The following TGM3 variants were observed in gnomAD, a reference collection of about 807,000 sequenced individuals.
TGM3 encodes the protein protein-glutamine gamma-glutamyltransferase E.
In TGM3, 52 loss-of-function variants were observed where a neutral mutation model predicts 73.8. The observed-to-expected ratio is 0.70, with a 90% CI of 0.56 to 0.89. The LOEUF (loss-of-function observed/expected upper bound fraction) is 0.89, where lower values mean the gene tolerates loss of function less well. Among genes scored for constraint, TGM3 ranks in the 40% least tolerant of loss-of-function variants. The probability of loss-of-function intolerance (pLI) is 0.00; values close to 1 mark genes in which losing one functional copy is unlikely to be tolerated. For missense variants in TGM3, 928 were observed against 909.9 expected (o/e 1.02, Z -0.26); for synonymous variants, 372 against 354.9 (o/e 1.05, Z -0.54).
intron 1 of TGM3, among the ~76,000 whole-genome samples, chr20:2,299,764 C>A (rs377693328): frequency 2.0e-5 from 3 of 152,222 alleles, no homozygotes; most frequent in African/African-American, 7.2e-5. Flanking sequence ...GTAGTGAGGT[C>A]TCAGTCCCTG....
chr20:2,302,857 T>C (rs1423575022), intron 1 of TGM3, among the ~76,000 whole-genome samples: 1 of 152,146 alleles, frequency 6.6e-6, no homozygotes, highest in African/African-American at 2.4e-5. Flanking sequence ...ACATGGAATA[T>C]TCATATAATA....
At chr20:2,331,566 T>C (rs959675251) in intron 9 of TGM3, among the ~76,000 whole-genome samples, 1 of 152,232 alleles carries the variant, frequency 6.6e-6, no homozygotes, top group African/African-American at 2.4e-5. Context: ...AATTTTTTAA[T>C]TAAGTCAGTT....
chr20:2,306,472 C>CTTTTTTTTTTTT (rs33929365), intron 1 of TGM3, among the ~76,000 whole-genome samples: 16 of 129,622 alleles, frequency 1.2e-4, no homozygotes, highest in Non-Finnish European at 2.1e-4. Flanking sequence ...CTTTTCCTTT[C>CTTTTTTTTTTTT]TTTTTTTTTT....
intron 1 of TGM3, among the ~76,000 whole-genome samples, chr20:2,301,440 A>G (rs1362226910): frequency 1.4e-5 from 2 of 147,890 alleles, no homozygotes; most frequent in Admixed American, 6.8e-5. Flanking sequence ...TCATGTGGGC[A>G]TACTAGATTA....
rs898155078 is a variant in TGM3 at position 2,328,312 on chromosome 20, C to T, written c.1280C>T (p.Ala427Val). 2.5e-6 allele frequency: 4 copies of T among 1,614,096 alleles called. No individual in the cohort carries two copies. Among genetic ancestry groups the T allele is most frequent in the South Asian group, 1.1e-5 (1 of 91,072 alleles). Residue 427 changes from alanine to valine, a missense_variant, in exon 9 of 13, where the codon GCG (alanine) becomes GTG (valine). Coordinates refer to ENST00000381458, the MANE Select transcript of TGM3 (RefSeq NM_003245.4). This position sits in a 1 kb window ranked among gnomAD's most constrained non-coding sequence, Gnocchi z 5.2. ...HTIGRYISTK[A>V]VGSNARMDVT... The stretch of plus-strand genomic sequence containing the variant: ...ATTGGCAGGTACATCAGCACCAAGG[C>T]GGTGGGCAGCAATGCTCGCATGGAC...
At position 2,332,207 on chromosome 20, in the gene TGM3, G is replaced by A. The variant is rs1301932395; in HGVS notation, c.1539G>A (p.Lys513=). ...LLLKNLSRDT[K]TVTVNMTAWT... is the part of the protein sequence containing the mutation. ...TCAAAAACCTGAGCAGGGATACGAA[G>A]ACAGTGACAGTGAACATGACAGCCT... The change falls in exon 10 of 13, where the codon AAG becomes AAA. Residue 513 remains lysine (K), a synonymous_variant. Coordinates refer to ENST00000381458, the MANE Select transcript of TGM3 (RefSeq NM_003245.4). This position sits in a 1 kb window ranked among gnomAD's most constrained non-coding sequence, Gnocchi z 4.4. 2 of 1,614,054 alleles carry A rather than the reference G, an allele frequency of 1.2e-6. No individual in the cohort carries two copies. The highest frequency in any genetic ancestry group is 4.5e-5 in the East Asian group (2 of 44,882).
At chr20:2,331,903 C>G in intron 9 of TGM3, 99 bp from the exon 10 acceptor site, 1 of 1,394,498 alleles carries the variant, frequency 7.2e-7, no homozygotes, top group Non-Finnish European at 9.8e-7. Context: ...AGCAATGGAG[C>G]CAGCACCAGT....
intron 11 of TGM3, 38 bp downstream of exon 11, chr20:2,335,311 C>T (rs377113435): frequency 1.9e-6 from 3 of 1,610,196 alleles, no homozygotes; most frequent in Non-Finnish European, 1.7e-6. Context: ...GGGGTTCTGC[C>T]CCCAGCCAGC....
At chr20:2,340,094 T>C (rs1264980296) in intron 12 of TGM3, 107 bp downstream of exon 12, 2 of 1,397,652 alleles carry the variant, frequency 1.4e-6, no homozygotes, top group Non-Finnish European at 2.0e-6. Context: ...CTTGGGTTCT[T>C]TACTCTTTTG....
chr20:2,339,973 T>C lies in TGM3; in HGVS notation c.1920T>C (p.Gly640=). The change falls in exon 12 of 13, where the codon GGT becomes GGC. Residue 640 remains glycine, a synonymous_variant. Coordinates refer to ENST00000381458, the MANE Select transcript of TGM3 (RefSeq NM_003245.4). Reference sequence around the variant, plus strand: ...TGGAGGGAAGCGGCCTGCTGTTGGGTAACCTGAAGATCGAGTGAGTCCTGG... The same window carrying C: ...TGGAGGGAAGCGGCCTGCTGTTGGGCAACCTGAAGATCGAGTGAGTCCTGG... ...LMVEGSGLLL[G]NLKIDVPTLG... is the part of the protein sequence containing the mutation. 2.2e-6 allele frequency: 3 copies of C among 1,342,012 alleles called. No homozygotes were observed. The highest frequency in any genetic ancestry group is 2.1e-4 in the Middle Eastern group (1 of 4,714). The allele number at this position is 1,342,012 out of a possible 1,614,324, so 83.1% of individuals were successfully genotyped here.
chr20:2,313,507 C>T (rs983604330), intron 5 of TGM3, among the ~76,000 whole-genome samples: 1 of 152,146 alleles, frequency 6.6e-6, no homozygotes, highest in African/African-American at 2.4e-5. Flanking sequence ...CATTCATGGT[C>T]TAGATGGGGA....
chr20:2,335,042 G>A, intron 10 of TGM3, 74 bp from the exon 11 acceptor site: 2 of 1,564,992 alleles, frequency 1.3e-6, no homozygotes, highest in Non-Finnish European at 1.7e-6. Flanking sequence ...GCCTTGGCTT[G>A]GCATCTGTTC....
intron 5 of TGM3, among the ~76,000 whole-genome samples, chr20:2,314,247 G>A (rs564423641): frequency 2.0e-5 from 3 of 152,042 alleles, no homozygotes; most frequent in African/African-American, 2.4e-5. Flanking sequence ...GAGGCAGGGG[G>A]ATTACTTGAA....
chr20:2,301,533 A>G (rs1182167609), intron 1 of TGM3, among the ~76,000 whole-genome samples: 1 of 115,326 alleles, frequency 8.7e-6, no homozygotes, highest in Non-Finnish European at 2.1e-5. Flanking sequence ...GCCATTAAGA[A>G]AAAAAAAAAA....
chr20:2,322,893 T>A (rs1353400344), intron 7 of TGM3, among the ~76,000 whole-genome samples: 1 of 152,170 alleles, frequency 6.6e-6, no homozygotes, highest in Non-Finnish European at 1.5e-5. Context: ...TAGAAATAAG[T>A]AACATAAAAC....
chr20:2,338,805 G>T (rs963342333), intron 11 of TGM3, among the ~76,000 whole-genome samples: 2 of 152,340 alleles, frequency 1.3e-5, no homozygotes, highest in East Asian at 3.9e-4. Flanking sequence ...TGTCCAAAAT[G>T]CTTTCTTCCC....
At chr20:2,330,892 G>A (rs1424672989) in intron 9 of TGM3, among the ~76,000 whole-genome samples, 1 of 150,902 alleles carries the variant, frequency 6.6e-6, no homozygotes, top group African/African-American at 2.4e-5. Context: ...TGTAATCCCA[G>A]CTACTCGGGA....
intron 8 of TGM3, among the ~76,000 whole-genome samples, chr20:2,327,097 C>T (rs2084292139): frequency 6.6e-6 from 1 of 152,064 alleles, no homozygotes; most frequent in South Asian, 2.1e-4. Flanking sequence ...GGGCTGTGTC[C>T]ATCATTTTAG....
chr20:2,298,749 T>G (rs1394947706), intron 1 of TGM3, among the ~76,000 whole-genome samples: 2 of 152,170 alleles, frequency 1.3e-5, no homozygotes, highest in East Asian at 3.9e-4. Context: ...GTAAATCTTC[T>G]AGGTGCTTCC....
Sources: allele counts gnomAD v4.1 joint callset (sites outside exome capture counted in the v4.1 genomes callset), GRCh38; gene constraint gnomAD v4.1.1; non-coding constraint Gnocchi (gnomAD v3.1); transcripts MANE v1.5; gene names NCBI Gene and HGNC (gene_info 2026-07-23, HGNC 2026-07-21).